BORCS5: variants seen among roughly 807,000 people sequenced by gnomAD.
BORCS5 encodes the protein BLOC-1-related complex subunit 5.
A neutral mutation model predicts 22.1 loss-of-function variants in BORCS5; 17 were observed. That is an observed-to-expected ratio of 0.77 (90% CI 0.53 to 1.15). The LOEUF is 1.15. Among genes scored for constraint, BORCS5 ranks in the 50% most tolerant of loss-of-function variants. BORCS5 has a pLI of 0.00. For missense variants in BORCS5, 247 were observed against 253.2 expected, an observed-to-expected ratio of 0.98 and a Z score of 0.17; for synonymous variants, 117 against 99.8, an observed-to-expected ratio of 1.17 and a Z score of -1.03.
At chr12:12,367,285 A>G (rs1441466513) in intron 2 of BORCS5, among the ~76,000 whole-genome samples, 1 of 152,234 alleles carries the variant, frequency 6.6e-6, no homozygotes, top group African/African-American at 2.4e-5. Context: ...AAGTCTTTGC[A>G]TTCATCAGAT....
chr12:12,414,251 A>G (rs1592102111), intron 2 of BORCS5, among the ~76,000 whole-genome samples: 1 of 53,008 alleles, frequency 1.9e-5, no homozygotes, highest in African/African-American at 9.4e-5. Flanking sequence ...CTGGCCGGGC[A>G]GAGGGGCTCC....
chr12:12,398,294 T>C (rs1202173168), intron 2 of BORCS5, among the ~76,000 whole-genome samples: 1 of 152,176 alleles, frequency 6.6e-6, no homozygotes, highest in Non-Finnish European at 1.5e-5. Flanking sequence ...ATTTTTTTTT[T>C]CCATACAAAT....
chr12:12,426,449 T>C (rs1244129013), intron 2 of BORCS5, among the ~76,000 whole-genome samples: 2 of 152,224 alleles, frequency 1.3e-5, no homozygotes, highest in East Asian at 3.8e-4. Flanking sequence ...CTGAGGTGTG[T>C]CGTTTGTGGA....
rs149847240 is a variant in BORCS5 at position 12,434,070 on chromosome 12, T to G, written c.203-1558T>G. On this transcript the variant is annotated intron_variant, in intron 2 of 3. Coordinates refer to ENST00000314565, the MANE Select transcript of BORCS5 (RefSeq NM_058169.6). ...GCTTACACTGAGGCGGGAGGATCGC[T>G]TGAGCCCAGAAGTTCGAGACCAACC... 1.6e-3 allele frequency among the ~76,000 whole-genome samples: 238 copies of G among 152,012 alleles called. No homozygotes were observed. The East Asian group carries it at 0.033, about 21-fold the overall frequency.
intron 2 of BORCS5, among the ~76,000 whole-genome samples, chr12:12,407,999 G>A (rs1019338976): frequency 5.3e-5 from 8 of 152,186 alleles, no homozygotes; most frequent in East Asian, 3.9e-4. Flanking sequence ...GTGAGCCACC[G>A]CGCCTGGCCA....
intron 1 of BORCS5, 21 bp downstream of exon 1, chr12:12,357,530 CCCT>C (rs1565818513): frequency 6.2e-7 from 1 of 1,600,152 alleles, no homozygotes; most frequent in Non-Finnish European, 8.6e-7. Flanking sequence ...TAACCTCCCA[CCCT>C]CCTCCAGCCC....
Position 12,441,805 on chromosome 12 carries a change from C to G in BORCS5, c.360+6020C>G, listed in dbSNP as rs547926782. 1.4e-4 allele frequency among the ~76,000 whole-genome samples: 21 copies of G among 151,766 alleles called. No homozygotes were observed. The South Asian group carries it at 4.4e-3, about 32-fold the overall frequency. On this transcript the variant is annotated intron_variant, in intron 3 of 3. Transcript: ENST00000314565. ...CATGAATATGTAGTTTTTGGAATTTCTGTAGTGAATTTAACTGTTTATTCT... is the reference window on the plus strand; with the variant it reads ...CATGAATATGTAGTTTTTGGAATTTGTGTAGTGAATTTAACTGTTTATTCT...
intron 2 of BORCS5, among the ~76,000 whole-genome samples, chr12:12,384,513 A>C (rs1010678101): frequency 6.7e-6 from 1 of 150,120 alleles, no homozygotes; most frequent in African/African-American, 2.5e-5. Flanking sequence ...TGTAGGTCTT[A>C]TAATTTTTTT....
At chr12:12,386,443 C>T (rs1863882143) in intron 2 of BORCS5, among the ~76,000 whole-genome samples, 1 of 141,900 alleles carries the variant, frequency 7.0e-6, no homozygotes, top group African/African-American at 2.7e-5. Flanking sequence ...GGTTAAAGTC[C>T]ACTGTTGCTA....
intron 2 of BORCS5, among the ~76,000 whole-genome samples, chr12:12,398,524 G>A (rs950713688): frequency 5.3e-5 from 8 of 152,180 alleles, no homozygotes; most frequent in South Asian, 2.1e-4. Flanking sequence ...TCAGAGGGCC[G>A]TTGTGTGCAG....
intron 2 of BORCS5, among the ~76,000 whole-genome samples, chr12:12,371,788 C>T (rs1231115883): frequency 6.6e-6 from 1 of 152,186 alleles, no homozygotes; most frequent in Non-Finnish European, 1.5e-5. Flanking sequence ...ATCACTGACA[C>T]ACCTTTCAAT....
chr12:12,439,713 A>G (rs532394836), intron 3 of BORCS5, among the ~76,000 whole-genome samples: 49 of 152,356 alleles, frequency 3.2e-4, no homozygotes, highest in African/African-American at 1.1e-3. Flanking sequence ...TGCAAAACAG[A>G]GACCAGCACT....
rs34937700 is a variant in BORCS5, at chr12:12,448,527, CT to C, written c.360+12756del. Among the ~76,000 whole-genome samples, 164 of 142,364 alleles carry C rather than the reference CT, an allele frequency of 1.2e-3. 1 individual carries two copies. The highest frequency in any genetic ancestry group is 1.8e-3 in the African/African-American group (70 of 38,488). The allele number at this position is 142,364 out of a possible 152,430, so 93.4% of individuals were successfully genotyped here. ...ACCGTGCCTGACCTTGTCTTCAATT[CT>C]TTTTTTTTTTTTTCTTTTTTTTGAC... On this transcript the variant is annotated intron_variant, in intron 3 of 3. Coordinates refer to ENST00000314565, the MANE Select transcript of BORCS5 (RefSeq NM_058169.6).
chr12:12,390,903 G>T (rs569282321), intron 2 of BORCS5, among the ~76,000 whole-genome samples: 1 of 151,976 alleles, frequency 6.6e-6, no homozygotes, highest in Admixed American at 6.6e-5. Flanking sequence ...CACCACGCCC[G>T]GCCTAAACTG....
At chr12:12,410,029 T>C (rs1280795577) in intron 2 of BORCS5, among the ~76,000 whole-genome samples, 2 of 152,210 alleles carry the variant, frequency 1.3e-5, no homozygotes, top group African/African-American at 2.4e-5. Flanking sequence ...AAATGTCTTC[T>C]TTTGAGAAGT....
At position 12,466,754 on chromosome 12, in the gene BORCS5, A is replaced by G. The variant is rs1196321388; in HGVS notation, c.*978A>G. On this transcript the variant is annotated 3_prime_UTR_variant, in exon 4 of 4. Transcript: ENST00000314565. ...ACCTAGGCAGACACCTTGAGACTAA[A>G]AGTCAGAGCTGAAGGGAGTCGCTGG... 1 of 152,310 alleles carries G rather than the reference A, an allele frequency of 6.6e-6. No individual in the cohort carries two copies. The highest frequency in any genetic ancestry group is 1.5e-5 in the Non-Finnish European group (1 of 68,134). 9.4% of individuals were successfully genotyped at this position (152,310 alleles called of 1,614,324 possible). A position where few individuals can be genotyped will look rare whatever the true frequency, so the allele number is the denominator to read the frequency against.
At chr12:12,440,281 T>C (rs1389626086) in intron 3 of BORCS5, among the ~76,000 whole-genome samples, 4 of 152,060 alleles carry the variant, frequency 2.6e-5, no homozygotes, top group Non-Finnish European at 5.9e-5. Flanking sequence ...AGAACGGAGG[T>C]AATTTACTTT....
chr12:12,365,050 A>G (rs1208637491), intron 2 of BORCS5, among the ~76,000 whole-genome samples: 1 of 152,240 alleles, frequency 6.6e-6, no homozygotes, highest in African/African-American at 2.4e-5. Context: ...ACCTGGTTGC[A>G]TTGATAAATG....
chr12:12,447,638 G>A (rs1592135035), intron 3 of BORCS5, among the ~76,000 whole-genome samples: 1 of 152,310 alleles, frequency 6.6e-6, no homozygotes, highest in East Asian at 1.9e-4. Flanking sequence ...CGGGGTGGAG[G>A]ATTTTAGCTG....
Sources: allele counts gnomAD v4.1 joint callset (sites outside exome capture counted in the v4.1 genomes callset), GRCh38; gene constraint gnomAD v4.1.1; transcripts MANE v1.5; gene names NCBI Gene and HGNC (gene_info 2026-07-23, HGNC 2026-07-21).